The following CTNNA3 variants were observed in gnomAD, a reference collection of about 807,000 sequenced individuals.
CTNNA3 encodes the protein catenin alpha-3.
A neutral mutation model predicts 95.7 loss-of-function variants in CTNNA3; 76 were observed. The observed-to-expected ratio is 0.79, with a 90% CI of 0.66 to 0.96. CTNNA3 has a LOEUF of 0.96. Ranked by LOEUF, CTNNA3 falls within the 40% of genes least tolerant of loss-of-function variation. CTNNA3 has a pLI of 0.00. For missense variants in CTNNA3, 1,191 were observed against 1,089.8 expected (o/e 1.09, Z -1.31); for synonymous variants, 431 against 374.4 (o/e 1.15, Z -1.74).
intron 12 of CTNNA3, among the ~76,000 whole-genome samples, chr10:66,322,483 G>A (rs1789705353): frequency 6.6e-6 from 1 of 152,046 alleles, no homozygotes; most frequent in Admixed American, 6.5e-5. Context: ...GAGGAGGTGA[G>A]GCAGCTGGAA....
chr10:66,926,819 G>T (rs1847105493), intron 7 of CTNNA3: 1 of 1,087,710 alleles, frequency 9.2e-7, no homozygotes, highest in South Asian at 1.7e-5. Context: ...GTGTTATTTA[G>T]ATTTAAATTT....
intron 17 of CTNNA3, among the ~76,000 whole-genome samples, chr10:65,949,958 C>G (rs2077581974): frequency 6.6e-6 from 1 of 152,062 alleles, no homozygotes; most frequent in South Asian, 2.1e-4. Context: ...CTACAATGTT[C>G]AAGGAAGCCC....
chr10:66,478,183 G>T (rs1306041110), intron 11 of CTNNA3, among the ~76,000 whole-genome samples: 1 of 151,970 alleles, frequency 6.6e-6, no homozygotes, highest in Non-Finnish European at 1.5e-5. Context: ...AAAAAGTTGT[G>T]CAGTATGCCC....
At chr10:66,163,629 G>C (rs1235224957) in intron 13 of CTNNA3, among the ~76,000 whole-genome samples, 1 of 152,034 alleles carries the variant, frequency 6.6e-6, no homozygotes, top group Non-Finnish European at 1.5e-5. Context: ...GGGATTGCTG[G>C]TTTGTTCTTG....
intron 5 of CTNNA3, among the ~76,000 whole-genome samples, chr10:67,304,889 G>GTA (rs1840473691): frequency 6.6e-6 from 1 of 151,946 alleles, no homozygotes; most frequent in South Asian, 2.1e-4. Flanking sequence ...GACCTAAAGA[G>GTA]TATAGTAAGT....
chr10:66,299,894 A>T (rs557028908), intron 12 of CTNNA3, among the ~76,000 whole-genome samples: 277 of 151,884 alleles, frequency 1.8e-3, no homozygotes, highest in Non-Finnish European at 2.3e-3. Context: ...CAATGAGGAA[A>T]TTTTTTTTCT....
At chr10:67,490,666 C>T (rs1053394003) in intron 5 of CTNNA3, among the ~76,000 whole-genome samples, 1 of 152,026 alleles carries the variant, frequency 6.6e-6, no homozygotes, top group Non-Finnish European at 1.5e-5. Context: ...GATCTAAAAT[C>T]ACAGCTATAA....
intron 13 of CTNNA3, among the ~76,000 whole-genome samples, chr10:66,233,323 C>A (rs1270599546): frequency 6.6e-6 from 1 of 152,012 alleles, no homozygotes. Context: ...AAGGGAACAT[C>A]TAATTGATGT....
intron 9 of CTNNA3, among the ~76,000 whole-genome samples, chr10:66,645,458 G>A (rs1311837446): frequency 6.6e-6 from 1 of 152,136 alleles, no homozygotes; most frequent in Non-Finnish European, 1.5e-5. Context: ...ACCATTTGTG[G>A]AAAATGCTGT....
intron 11 of CTNNA3, among the ~76,000 whole-genome samples, chr10:66,433,357 G>C (rs2093312570): frequency 6.6e-6 from 1 of 152,108 alleles, no homozygotes; most frequent in Admixed American, 6.6e-5. Context: ...GGCATGAAAT[G>C]GTATCTCATT....
chr10:66,242,081 A>G (rs1308736257), intron 13 of CTNNA3, among the ~76,000 whole-genome samples: 2 of 152,174 alleles, frequency 1.3e-5, no homozygotes, highest in Admixed American at 6.5e-5. Flanking sequence ...GATGATGAGT[A>G]TGCTCAGCCC....
intron 3 of CTNNA3, among the ~76,000 whole-genome samples, chr10:67,545,023 C>G (rs1210169329): frequency 6.6e-6 from 1 of 151,960 alleles, no homozygotes; most frequent in East Asian, 1.9e-4. Flanking sequence ...CTGGGAAATA[C>G]TTTGATTGGG....
intron 10 of CTNNA3, among the ~76,000 whole-genome samples, chr10:66,557,556 T>C (rs1190596154): frequency 6.6e-6 from 1 of 152,134 alleles, no homozygotes; most frequent in Non-Finnish European, 1.5e-5. Context: ...AATTTTACCA[T>C]TTCCAAGGGA....
intron 9 of CTNNA3, among the ~76,000 whole-genome samples, chr10:66,733,603 T>G (rs1849035360): frequency 1.3e-5 from 2 of 151,752 alleles, no homozygotes; most frequent in Non-Finnish European, 2.9e-5. Context: ...TTGAAACAAA[T>G]TATACTCCAT....
At chr10:66,638,330 T>C (rs1191254019) in intron 9 of CTNNA3, among the ~76,000 whole-genome samples, 5 of 152,140 alleles carry the variant, frequency 3.3e-5, no homozygotes, top group Non-Finnish European at 7.4e-5. Flanking sequence ...GATTTCCTCT[T>C]TCCCAGCACA....
chr10:67,728,337 C>T (rs1458339520), intron 1 of CTNNA3, among the ~76,000 whole-genome samples: 1 of 149,246 alleles, frequency 6.7e-6, no homozygotes, highest in East Asian at 1.9e-4. Context: ...CCTGTAATCA[C>T]AGCTACTTGT....
chr10:66,157,449 T>C (rs939615443), intron 13 of CTNNA3, among the ~76,000 whole-genome samples: 2 of 144,882 alleles, frequency 1.4e-5, no homozygotes, highest in African/African-American at 5.2e-5. Flanking sequence ...AGATAGATGA[T>C]AGATAGATAG....
chr10:67,448,174 T>C (rs1287858031), intron 5 of CTNNA3, among the ~76,000 whole-genome samples: 1 of 152,304 alleles, frequency 6.6e-6, no homozygotes, highest in South Asian at 2.1e-4. Flanking sequence ...CTTACCTCAC[T>C]AATCAAATAA....
intron 5 of CTNNA3, among the ~76,000 whole-genome samples, chr10:67,476,307 C>T (rs1428414098): frequency 2.6e-5 from 4 of 152,076 alleles, no homozygotes; most frequent in Admixed American, 2.0e-4. Flanking sequence ...CCTGGATTGA[C>T]AGCCTGAGCC....
Sources: gnomAD v4.1 joint callset for allele counts (sites outside exome capture counted in the v4.1 genomes callset) on GRCh38, gnomAD v4.1.1 for gene constraint, MANE v1.5 for transcripts, NCBI Gene and HGNC (gene_info 2026-07-23, HGNC 2026-07-21) for gene names.